The following UNC13C variants were observed in gnomAD, a reference collection of about 807,000 sequenced individuals.
UNC13C encodes the protein protein unc-13 homolog C.
Under a neutral mutation model 245.4 loss-of-function variants are expected in UNC13C, and 174 were observed. The observed-to-expected ratio is 0.71, with a 90% CI of 0.63 to 0.80. The LOEUF (loss-of-function observed/expected upper bound fraction) is 0.80. Among genes scored for constraint, UNC13C ranks in the 30% least tolerant of loss-of-function variants. The pLI, the probability that UNC13C is intolerant of heterozygous loss-of-function variation, is 0.00. For synonymous variants in UNC13C, 992 were observed against 895.1 expected (o/e 1.11, Z -1.93); for missense variants, 2,829 against 2,602.9 (o/e 1.09, Z -1.89).
At chr15:54,569,030 C>G (rs918032143) in intron 30 of UNC13C, among the ~76,000 whole-genome samples, 8 of 152,098 alleles carry the variant, frequency 5.3e-5, no homozygotes, top group Non-Finnish European at 7.4e-5. Context: ...CAGAAATATT[C>G]AAAACATTAT....
intron 4 of UNC13C, among the ~76,000 whole-genome samples, chr15:54,222,606 C>G (rs993293613): frequency 6.6e-6 from 1 of 152,044 alleles, no homozygotes; most frequent in Non-Finnish European, 1.5e-5. Context: ...TGGGTATATA[C>G]CTAGCAGTGA....
intron 26 of UNC13C, among the ~76,000 whole-genome samples, chr15:54,533,531 A>G (rs1186871801): frequency 2.6e-5 from 4 of 152,226 alleles, no homozygotes; most frequent in Non-Finnish European, 4.4e-5. Flanking sequence ...CCAACCTTCA[A>G]TAACGATTTA....
chr15:54,192,987 G>C (rs1219426812), intron 4 of UNC13C, among the ~76,000 whole-genome samples: 1 of 151,740 alleles, frequency 6.6e-6, no homozygotes, highest in East Asian at 1.9e-4. Flanking sequence ...TTTTTAAATG[G>C]AAACTCAAGT....
chr15:54,444,625 T>C (rs1596384497), intron 19 of UNC13C, among the ~76,000 whole-genome samples: 4 of 151,860 alleles, frequency 2.6e-5, no homozygotes, highest in African/African-American at 7.2e-5. Flanking sequence ...TCTCCTATTA[T>C]TTATTATTGT....
intron 2 of UNC13C, among the ~76,000 whole-genome samples, chr15:54,089,679 C>T (rs1387596337): frequency 6.9e-6 from 1 of 145,840 alleles, no homozygotes; most frequent in African/African-American, 2.5e-5. Flanking sequence ...TTTTTTTTTC[C>T]CACAACATGC....
Position 54,014,909 on chromosome 15 carries a change from A to T in UNC13C, c.2006A>T (p.Asp669Val), listed in dbSNP as rs1286443759. 1.2e-6 allele frequency: 2 copies of T among 1,613,782 alleles called. No individual in the cohort carries two copies. The highest frequency in any genetic ancestry group is 1.7e-6 in the Non-Finnish European group (2 of 1,179,844). Residue 669 changes from aspartate to valine, a missense_variant, in exon 2 of 33, where the codon GAT becomes GTT. Physicochemically the swap from Asp to Val is radical, Grantham distance 152. Coordinates refer to ENST00000260323, the MANE Select transcript of UNC13C (RefSeq NM_001080534.3). ...AATCAAGGAGCTGATTTAGGCTTGG[A>T]TTCATCCACCCAGGAAGGTTTTGAT... is the stretch of plus-strand genomic sequence containing the variant. ...EWNQGADLGL[D>V]SSTQEGFDYE... is the part of the protein sequence containing the mutation.
At chr15:54,247,786 A>C (rs1431006635) in intron 7 of UNC13C, among the ~76,000 whole-genome samples, 2 of 150,680 alleles carry the variant, frequency 1.3e-5, no homozygotes, top group Non-Finnish European at 3.0e-5. Flanking sequence ...TTATTTTTGG[A>C]AATTAGCTTT....
intron 2 of UNC13C, among the ~76,000 whole-genome samples, chr15:54,078,715 G>C (rs1459700727): frequency 6.6e-6 from 1 of 151,254 alleles, no homozygotes; most frequent in Admixed American, 6.6e-5. Flanking sequence ...CATAAATTCT[G>C]GATGTTAGTC....
chr15:54,214,295 G>C (rs532567201), intron 4 of UNC13C, among the ~76,000 whole-genome samples: 1 of 151,684 alleles, frequency 6.6e-6, no homozygotes, highest in Non-Finnish European at 1.5e-5. Context: ...CTTTTCTTTC[G>C]CTAGTCTTTA....
In UNC13C at chr15:54,086,737, C is replaced by CTTTTTTTTTTTTTTTTTT. The variant is rs57209912; in HGVS notation, c.2984-56280_2984-56263dup. Among the ~76,000 whole-genome samples the CTTTTTTTTTTTTTTTTTT allele has an allele frequency of 1.3e-3, 122 of 92,008 alleles. 13 individuals are homozygous for CTTTTTTTTTTTTTTTTTT. The highest frequency in any genetic ancestry group is 1.9e-3 in the Non-Finnish European group (91 of 47,056). 60.4% of individuals were successfully genotyped at this position (92,008 alleles called of 152,430 possible). ...GTACTATGTGTTGCTTATTTTCTTT[C>CTTTTTTTTTTTTTTTTTT]TTTTTTTTTTTTTTTTTTGAGATGG... On this transcript the variant is annotated intron_variant, in intron 2 of 32. Coordinates refer to ENST00000260323, the MANE Select transcript of UNC13C (RefSeq NM_001080534.3).
chr15:54,457,962 C>G (rs1019274346), intron 19 of UNC13C, among the ~76,000 whole-genome samples: 1 of 142,340 alleles, frequency 7.0e-6, no homozygotes, highest in African/African-American at 2.6e-5. Flanking sequence ...TCTCCAGTTC[C>G]TTGAGGTGTG....
intron 2 of UNC13C, among the ~76,000 whole-genome samples, chr15:54,037,060 C>T (rs1045628398): frequency 2.6e-5 from 4 of 152,186 alleles, no homozygotes; most frequent in African/African-American, 9.7e-5. Context: ...AAAGACCTAG[C>T]ATTAAGGGGA....
the UNC13C span, among the ~76,000 whole-genome samples, chr15:53,865,798 T>C: frequency 6.6e-6 from 1 of 152,148 alleles, no homozygotes; most frequent in Non-Finnish European, 1.5e-5. Context: ...TTTATATTTA[T>C]TTTATTTTGA....
At chr15:54,553,247 T>TAGA (rs1197435658) in intron 28 of UNC13C, among the ~76,000 whole-genome samples, 10 of 112,424 alleles carry the variant, frequency 8.9e-5, no homozygotes, top group African/African-American at 3.7e-4. Flanking sequence ...TATTACAATA[T>TAGA]ATATTATATA....
chr15:54,098,558 T>A (rs886404719), intron 2 of UNC13C, among the ~76,000 whole-genome samples: 3 of 152,196 alleles, frequency 2.0e-5, no homozygotes, highest in Non-Finnish European at 2.9e-5. Context: ...CACACATGCC[T>A]AAATGTTCTT....
At chr15:54,170,041 C>A in intron 4 of UNC13C, among the ~76,000 whole-genome samples, 1 of 140,654 alleles carries the variant, frequency 7.1e-6, no homozygotes, top group Admixed American at 7.6e-5. Flanking sequence ...CTATCATGTA[C>A]AGGGTATATA....
rs1470342026 is a variant in UNC13C, at chr15:54,477,637, C to T, written c.4934-16971C>T. On this transcript the variant is annotated intron_variant, in intron 19 of 32. Transcript: ENST00000260323. ...TATTGATTTGCGTATATTGAACCAG[C>T]CTTGAATCCCAGGGATGAAGCCCAC... 3.3e-5 allele frequency among the ~76,000 whole-genome samples: 4 copies of T among 121,982 alleles called. No homozygotes were observed. In the East Asian group the frequency reaches 1.3e-3, roughly 40 times the overall value. 80.0% of individuals were successfully genotyped at this position (121,982 alleles called of 152,430 possible). A position where few individuals can be genotyped will look rare whatever the true frequency, so the allele number is the denominator to read the frequency against.
At chr15:54,205,291 G>A (rs1314597822) in intron 4 of UNC13C, among the ~76,000 whole-genome samples, 1 of 151,914 alleles carries the variant, frequency 6.6e-6, no homozygotes, top group Non-Finnish European at 1.5e-5. Context: ...AACTAGTTAA[G>A]AGAACCACTG....
chr15:54,227,378 A>G (rs897635654), intron 4 of UNC13C, among the ~76,000 whole-genome samples: 3 of 152,060 alleles, frequency 2.0e-5, no homozygotes, highest in Admixed American at 6.6e-5. Flanking sequence ...GGGTTTCACC[A>G]CAGACCCAAC....
Sources: gnomAD v4.1 joint callset for allele counts (sites outside exome capture counted in the v4.1 genomes callset) on GRCh38, gnomAD v4.1.1 for gene constraint, MANE v1.5 for transcripts, NCBI Gene and HGNC (gene_info 2026-07-23, HGNC 2026-07-21) for gene names.